SPAG16: variants seen among roughly 807,000 people sequenced by gnomAD.
SPAG16 encodes the protein sperm-associated antigen 16 protein.
A neutral mutation model predicts 80.4 loss-of-function variants in SPAG16; 86 were observed. That is an observed-to-expected ratio of 1.07 (90% CI 0.90 to 1.28). The LOEUF (loss-of-function observed/expected upper bound fraction) is 1.28. SPAG16 is among the 50% of genes most tolerant of loss of function. The pLI, the probability that SPAG16 is intolerant of heterozygous loss-of-function variation, is 0.00. For synonymous variants in SPAG16, 294 were observed against 265.9 expected (o/e 1.11, Z -1.03); for missense variants, 870 against 765.3 (o/e 1.14, Z -1.61).
At chr2:213,567,193 C>A (rs1406024336) in intron 10 of SPAG16, among the ~76,000 whole-genome samples, 1 of 137,194 alleles carries the variant, frequency 7.3e-6, no homozygotes, top group Non-Finnish European at 1.6e-5. Context: ...TTTGACTTAT[C>A]CCTGAAATTT....
At chr2:214,170,226 GTATACACACACACTTAGGTGTGTATACA>G (rs1207396530) in intron 15 of SPAG16, among the ~76,000 whole-genome samples, 7 of 123,190 alleles carry the variant, frequency 5.7e-5, no homozygotes, top group Admixed American at 1.7e-4. Flanking sequence ...GTGTGTATAC[GTATACACACACACTTAGGTGTGTATACA>G]TATACACACA....
At chr2:213,912,551 C>T (rs2077723705) in intron 11 of SPAG16, among the ~76,000 whole-genome samples, 1 of 152,152 alleles carries the variant, frequency 6.6e-6, no homozygotes, top group South Asian at 2.1e-4. Flanking sequence ...TTTCCCACCC[C>T]TAGAATTTCT....
chr2:214,104,338 T>C (rs994251489), intron 13 of SPAG16, among the ~76,000 whole-genome samples: 4 of 152,154 alleles, frequency 2.6e-5, no homozygotes, highest in African/African-American at 9.7e-5. Flanking sequence ...AATTTTTTGG[T>C]TGGCTGTATG....
At chr2:213,657,607 G>C (rs1181167843) in intron 10 of SPAG16, among the ~76,000 whole-genome samples, 1 of 152,090 alleles carries the variant, frequency 6.6e-6, no homozygotes, top group Admixed American at 6.5e-5. Context: ...AGCAACTTTT[G>C]AATTCCTTTC....
intron 10 of SPAG16, among the ~76,000 whole-genome samples, chr2:213,651,313 G>A (rs1400291322): frequency 6.6e-6 from 1 of 152,150 alleles, no homozygotes; most frequent in Non-Finnish European, 1.5e-5. Flanking sequence ...AGGATGTAAA[G>A]TGGGAGAGAG....
At chr2:213,433,849 C>G (rs1466478644) in intron 9 of SPAG16, among the ~76,000 whole-genome samples, 6 of 151,490 alleles carry the variant, frequency 4.0e-5, no homozygotes, top group Non-Finnish European at 8.8e-5. Context: ...TCACATTTTA[C>G]CACAAGGCTA....
intron 13 of SPAG16, among the ~76,000 whole-genome samples, chr2:214,038,797 G>T (rs971591977): frequency 2.6e-5 from 4 of 151,512 alleles, no homozygotes; most frequent in Non-Finnish European, 5.9e-5. Flanking sequence ...GCAGTGTTTG[G>T]TTTTTTGTCC....
At chr2:214,286,081 A>G (rs1693334252) in intron 15 of SPAG16, among the ~76,000 whole-genome samples, 1 of 152,196 alleles carries the variant, frequency 6.6e-6, no homozygotes, top group African/African-American at 2.4e-5. Flanking sequence ...CAGACACAGA[A>G]AGATAAATAC....
chr2:213,778,216 T>C (rs753971047), intron 10 of SPAG16, among the ~76,000 whole-genome samples: 19 of 152,018 alleles, frequency 1.2e-4, no homozygotes, highest in Non-Finnish European at 2.6e-4. Context: ...ACAAGGTTGC[T>C]TAACATCTTT....
At chr2:214,130,427 T>C (rs1014920409) in intron 14 of SPAG16, among the ~76,000 whole-genome samples, 4 of 152,196 alleles carry the variant, frequency 2.6e-5, no homozygotes, top group Admixed American at 6.6e-5. Context: ...TCATTTTGTC[T>C]GTTGGCCAGA....
chr2:214,094,002 A>G (rs1408998064), intron 13 of SPAG16, among the ~76,000 whole-genome samples: 1 of 152,058 alleles, frequency 6.6e-6, no homozygotes, highest in African/African-American at 2.4e-5. Flanking sequence ...TGCACAAGGA[A>G]CGACCATATC....
At chr2:213,491,060 T>C (rs904778484) in intron 10 of SPAG16, among the ~76,000 whole-genome samples, 1 of 152,214 alleles carries the variant, frequency 6.6e-6, no homozygotes, top group Non-Finnish European at 1.5e-5. Flanking sequence ...AGCAAGAATA[T>C]TGTCTATGGT....
Position 213,314,773 on chromosome 2 carries a change from GA to G in SPAG16, c.399-2442del, listed in dbSNP as rs558730013. ...TCCTCATTAAATAAAGCAAGGTGCTGAAAACCAATTTTATGGTCAGAAAAAG... is the reference window on the plus strand; with the variant it reads ...TCCTCATTAAATAAAGCAAGGTGCTGAAACCAATTTTATGGTCAGAAAAAG... On this transcript the variant is annotated intron_variant, in intron 4 of 15. Coordinates refer to ENST00000331683, the MANE Select transcript of SPAG16 (RefSeq NM_024532.5). Among the ~76,000 whole-genome samples, 58 of 151,942 alleles carry G rather than the reference GA, an allele frequency of 3.8e-4. No individual in the cohort carries two copies. In the South Asian group the frequency reaches 0.011, roughly 30 times the overall value.
Position 213,822,395 on chromosome 2 carries a change from A to C in SPAG16, c.1071-40090A>C, listed in dbSNP as rs188739720. 6.6e-5 allele frequency among the ~76,000 whole-genome samples: 10 copies of C among 152,168 alleles called. No homozygotes were observed. In the East Asian group the frequency reaches 1.9e-3, roughly 29 times the overall value. Reference sequence around the variant, plus strand: ...GAGTGGATTATTAGATTTTTCCTATAGAGTTGTTTGAGCTCCTTCTGTATT... The same window carrying C: ...GAGTGGATTATTAGATTTTTCCTATCGAGTTGTTTGAGCTCCTTCTGTATT... On this transcript the variant is annotated intron_variant, in intron 10 of 15. Transcript: ENST00000331683.
chr2:213,912,595 A>T (rs2077725061), intron 11 of SPAG16, among the ~76,000 whole-genome samples: 1 of 152,094 alleles, frequency 6.6e-6, no homozygotes, highest in Non-Finnish European at 1.5e-5. Flanking sequence ...GCCAGTGGAT[A>T]TTAACCAATA....
chr2:214,162,076 C>T (rs2056463262), intron 15 of SPAG16, among the ~76,000 whole-genome samples: 1 of 151,970 alleles, frequency 6.6e-6, no homozygotes, highest in Non-Finnish European at 1.5e-5. Context: ...ATTTTTCCTG[C>T]AATAACAAAG....
Position 214,410,396 on chromosome 2 carries a change from G to A in SPAG16, c.*81G>A. The A allele has an allele frequency of 1.5e-6, 2 of 1,325,606 alleles. No individual in the cohort carries two copies. The highest frequency in any genetic ancestry group is 2.1e-6 in the Non-Finnish European group (2 of 965,592). The allele number at this position is 1,325,606 out of a possible 1,614,324, so 82.1% of individuals were successfully genotyped here. A position where few individuals can be genotyped will look rare whatever the true frequency, so the allele number is the denominator to read the frequency against. On this transcript the variant is annotated 3_prime_UTR_variant, in exon 16 of 16. Transcript: ENST00000331683. ...TGTAGTCCCAAACCAGCAAAGAACT[G>A]GTTAAATGTGCCAGCAGGTAACATT...
chr2:213,934,519 T>G (rs1218297803), intron 12 of SPAG16, among the ~76,000 whole-genome samples: 1 of 152,178 alleles, frequency 6.6e-6, no homozygotes, highest in East Asian at 1.9e-4. Context: ...ATATTCTAAG[T>G]GTGGAAGAAA....
chr2:213,542,282 A>G (rs781613043), intron 10 of SPAG16, among the ~76,000 whole-genome samples: 8 of 152,174 alleles, frequency 5.3e-5, no homozygotes, highest in Non-Finnish European at 7.4e-5. Context: ...TTATTTTTAC[A>G]TGAAACCTAG....
Sources: allele counts gnomAD v4.1 joint callset (sites outside exome capture counted in the v4.1 genomes callset), GRCh38; gene constraint gnomAD v4.1.1; transcripts MANE v1.5; gene names NCBI Gene and HGNC (gene_info 2026-07-23, HGNC 2026-07-21).